U2AF2: variants seen among roughly 807,000 people sequenced by gnomAD.
U2AF2 encodes splicing factor U2AF 65 kDa subunit.
A neutral mutation model predicts 52.6 loss-of-function variants in U2AF2; 6 were observed. The observed-to-expected ratio is 0.11, with a 90% confidence interval of 0.06 to 0.23. The LOEUF (loss-of-function observed/expected upper bound fraction) is 0.23, where lower values mean the gene tolerates loss of function less well. U2AF2 is among the 10% of genes least tolerant of loss of function. U2AF2 has a pLI of 1.00. For synonymous variants in U2AF2, 284 were observed against 258.2 expected (o/e 1.10, Z -0.96); for missense variants, 222 against 677.1 (o/e 0.33, Z 7.46).
intron 11 of U2AF2, among the ~76,000 whole-genome samples, chr19:55,671,046 T>C (rs1484501023): frequency 1.3e-5 from 2 of 152,072 alleles, no homozygotes; most frequent in South Asian, 2.1e-4. Flanking sequence ...GGCCTTCTTA[T>C]GTCATGGAAG....
intron 7 of U2AF2, among the ~76,000 whole-genome samples, chr19:55,666,698 C>T (rs937528391): frequency 2.6e-5 from 4 of 152,248 alleles, no homozygotes; most frequent in South Asian, 2.1e-4. Flanking sequence ...TCATATGGTA[C>T]AAACAAGACT....
At chr19:55,660,721 C>G in intron 4 of U2AF2, 102 bp downstream of exon 4, 1 of 1,183,272 alleles carries the variant, frequency 8.5e-7, no homozygotes. Context: ...GTCAAAGACA[C>G]AGGTAGAGGG....
Position 55,662,629 on chromosome 19 carries a change from G to A in U2AF2, c.603+11G>A. On this transcript the variant is annotated intron_variant, in intron 6 of 11. Coordinates refer to ENST00000308924, the MANE Select transcript of U2AF2 (RefSeq NM_007279.3). ...TTTGCCTTTTTGGAGGTGAGCTGGG[G>A]GAGTGAGTGAGGTCCAGGAAACGTG... 6.2e-7 allele frequency: 1 copy of A among 1,610,800 alleles called. No individual in the cohort carries two copies. Among genetic ancestry groups the A allele is most frequent in the Non-Finnish European group, 8.5e-7 (1 of 1,177,492 alleles).
In U2AF2 at chr19:55,655,057, G is replaced by C. The variant is rs776051801; in HGVS notation, c.-48G>C. Reference sequence around the variant, plus strand: ...AGTAGCCGAAGCGGCTGGAGCGGGCGGCAAGGCGAGGCGAAAGCTGCACAG... The same window carrying C: ...AGTAGCCGAAGCGGCTGGAGCGGGCCGCAAGGCGAGGCGAAAGCTGCACAG... On this transcript the variant is annotated 5_prime_UTR_variant, in exon 1 of 12. Coordinates refer to ENST00000308924, the MANE Select transcript of U2AF2 (RefSeq NM_007279.3). 28 of 1,600,826 alleles carry C rather than the reference G, an allele frequency of 1.7e-5. No homozygotes were observed. In the Admixed American group the frequency reaches 4.7e-4, roughly 27 times the overall value.
intron 11 of U2AF2, among the ~76,000 whole-genome samples, chr19:55,670,893 G>A (rs1303258274): frequency 6.6e-6 from 1 of 152,240 alleles, no homozygotes; most frequent in Non-Finnish European, 1.5e-5. Flanking sequence ...TGCAGGGCAG[G>A]ATGTGGATCA....
At chr19:55,672,729 ATT>A (rs74179629) in intron 11 of U2AF2, among the ~76,000 whole-genome samples, 12 of 141,208 alleles carry the variant, frequency 8.5e-5, no homozygotes, top group African/African-American at 7.9e-5. Context: ...TATCTCAAGA[ATT>A]TTTTTTTTTT....
At chr19:55,661,508 A>G (rs1984195478) in intron 5 of U2AF2, among the ~76,000 whole-genome samples, 1 of 66,080 alleles carries the variant, frequency 1.5e-5, no homozygotes, top group South Asian at 4.8e-4. Context: ...GGACACACAC[A>G]CACACACACA....
At position 55,655,037 on chromosome 19, in the gene U2AF2, C is replaced by T. The variant is rs1319463702; in HGVS notation, c.-68C>T. On this transcript the variant is annotated 5_prime_UTR_variant, in exon 1 of 12. Coordinates refer to ENST00000308924, the MANE Select transcript of U2AF2 (RefSeq NM_007279.3). ...TAGCCGAAGCCAGCGGCGGAAGTAG[C>T]CGAAGCGGCTGGAGCGGGCGGCAAG... 3.8e-6 allele frequency: 6 copies of T among 1,587,158 alleles called. No homozygotes were observed. The highest frequency in any genetic ancestry group is 5.1e-6 in the Non-Finnish European group (6 of 1,166,896).
chr19:55,669,788 T>C, intron 11 of U2AF2, 96 bp downstream of exon 11: 1 of 1,447,722 alleles, frequency 6.9e-7, no homozygotes, highest in Admixed American at 2.7e-5. Context: ...CCTCTCCCCC[T>C]CCTCTTCTCC....
At position 55,668,363 on chromosome 19, in the gene U2AF2, T is replaced by G; in HGVS notation, c.743-144T>G. On this transcript the variant is annotated intron_variant, in intron 7 of 11. Coordinates refer to ENST00000308924, the MANE Select transcript of U2AF2 (RefSeq NM_007279.3). The surrounding 1 kb of genome is among the most constrained non-coding windows in gnomAD (Gnocchi z 5.5). ...CCTCACTGGTCAGATAAGGCTGGGGTGGGGTGGGCACGTGGCGACCCCTCC... is the reference window on the plus strand; with the variant it reads ...CCTCACTGGTCAGATAAGGCTGGGGGGGGGTGGGCACGTGGCGACCCCTCC... 3 of 705,648 alleles carry G rather than the reference T, an allele frequency of 4.3e-6. No homozygotes were observed. 43.7% of individuals were successfully genotyped at this position (705,648 alleles called of 1,614,324 possible). A position where few individuals can be genotyped will look rare whatever the true frequency, so the allele number is the denominator to read the frequency against.
At chr19:55,657,624 T>C (rs1983878941) in intron 1 of U2AF2, among the ~76,000 whole-genome samples, 1 of 152,230 alleles carries the variant, frequency 6.6e-6, no homozygotes, top group African/African-American at 2.4e-5. Flanking sequence ...CCCGCTGCTC[T>C]ACACTGCTGG....
chr19:55,668,450 A>G lies in U2AF2; in HGVS notation c.743-57A>G. 1 of 1,497,606 alleles carries G rather than the reference A, an allele frequency of 6.7e-7. No individual in the cohort carries two copies. Among genetic ancestry groups the G allele is most frequent in the Non-Finnish European group, 9.0e-7 (1 of 1,107,342 alleles). 92.8% of individuals were successfully genotyped at this position (1,497,606 alleles called of 1,614,324 possible). On this transcript the variant is annotated intron_variant, in intron 7 of 11. Coordinates refer to ENST00000308924, the MANE Select transcript of U2AF2 (RefSeq NM_007279.3). The surrounding 1 kb of genome is among the most constrained non-coding windows in gnomAD (Gnocchi z 5.5). ...TTGAGGAGCTCGCCGTAGACTGTCC[A>G]GGTTTTGGGAGATAACCTGGTACTG...
rs1027498168 is a variant in U2AF2 at position 55,666,779 on chromosome 19, C to T, written c.743-1728C>T. Among the ~76,000 whole-genome samples the T allele has an allele frequency of 9.2e-5, 14 of 152,212 alleles. No individual in the cohort carries two copies. In the South Asian group the frequency reaches 1.0e-3, roughly 11 times the overall value. ...TTGGCTCTGTGTTGCTCAAGTGAGA[C>T]GGGCAGAGCCAGGGCTCGCGGCTGA... On this transcript the variant is annotated intron_variant, in intron 7 of 11. Transcript: ENST00000308924.
chr19:55,664,521 C>T (rs964484599), intron 7 of U2AF2, among the ~76,000 whole-genome samples: 2 of 152,256 alleles, frequency 1.3e-5, no homozygotes, highest in East Asian at 1.9e-4. Flanking sequence ...TGTCTGATGC[C>T]CTGTCAGGGT....
At position 55,668,313 on chromosome 19, in the gene U2AF2, G is replaced by A. The variant is rs1449922224; in HGVS notation, c.743-194G>A. On this transcript the variant is annotated intron_variant, in intron 7 of 11. Coordinates refer to ENST00000308924, the MANE Select transcript of U2AF2 (RefSeq NM_007279.3). This position sits in a 1 kb window ranked among gnomAD's most constrained non-coding sequence, Gnocchi z 5.5. ...AGACATGGTGCGTTCTCCCCGAGGA[G>A]CCTCTGTGTGCCACTGCCCAGGACC... 2.6e-5 allele frequency among the ~76,000 whole-genome samples: 4 copies of A among 152,188 alleles called. No homozygotes were observed. Among genetic ancestry groups the A allele is most frequent in the Non-Finnish European group, 4.4e-5 (3 of 68,024 alleles).
At chr19:55,669,391 G>A (rs978915899) in intron 10 of U2AF2, 53 bp from the exon 11 acceptor site, 5 of 1,558,242 alleles carry the variant, frequency 3.2e-6, no homozygotes, top group Admixed American at 3.7e-5. Context: ...CTTGAGCAGA[G>A]GGAGACTGGG....
intron 7 of U2AF2, among the ~76,000 whole-genome samples, chr19:55,665,017 C>T (rs1281028523): frequency 6.6e-6 from 1 of 152,136 alleles, no homozygotes; most frequent in African/African-American, 2.4e-5. Context: ...TGCGCTCAGC[C>T]CAGTGCTTTT....
In U2AF2 at chr19:55,669,064, C is replaced by T; in HGVS notation, c.946-19C>T. 1 of 1,609,832 alleles carries T rather than the reference C, an allele frequency of 6.2e-7. No homozygotes were observed. The highest frequency in any genetic ancestry group is 1.1e-5 in the South Asian group (1 of 90,950). On this transcript the variant is annotated intron_variant, in intron 9 of 11. Coordinates refer to ENST00000308924, the MANE Select transcript of U2AF2 (RefSeq NM_007279.3). Reference sequence around the variant, plus strand: ...CCACCTCTCCCCGCACCCCCCGACCCCTCATCCTCCAAACACAGGCCATTG... The same window carrying T: ...CCACCTCTCCCCGCACCCCCCGACCTCTCATCCTCCAAACACAGGCCATTG...
At chr19:55,667,695 CTCA>C (rs1318413280) in intron 7 of U2AF2, among the ~76,000 whole-genome samples, 6 of 152,186 alleles carry the variant, frequency 3.9e-5, no homozygotes, top group Non-Finnish European at 5.9e-5. Flanking sequence ...GCCGCGGCTG[CTCA>C]TCGTGTCGTG....
Sources: allele counts gnomAD v4.1 joint callset (sites outside exome capture counted in the v4.1 genomes callset), GRCh38; gene constraint gnomAD v4.1.1; non-coding constraint Gnocchi (gnomAD v3.1); transcripts MANE v1.5; gene names NCBI Gene and HGNC (gene_info 2026-07-23, HGNC 2026-07-21).